RIN3: variants seen among roughly 807,000 people sequenced by gnomAD.
RIN3 encodes the protein Ras and Rab interactor 3, also known as RAB5 interacting protein 3.
In RIN3, 54 loss-of-function variants were observed where a neutral mutation model predicts 76.3. That is an observed-to-expected ratio of 0.71 (90% CI 0.57 to 0.89). The LOEUF is 0.89. Among genes scored for constraint, RIN3 ranks in the 40% least tolerant of loss-of-function variants. The pLI is 0.00. For missense variants in RIN3, 1,256 were observed against 1,322.1 expected (o/e 0.95, Z 0.78); for synonymous variants, 576 against 564.0 (o/e 1.02, Z -0.30).
rs1888115457 is a variant in RIN3, at chr14:92,666,656, A to G, written c.2335+7187A>G. Among the ~76,000 whole-genome samples the G allele has an allele frequency of 2.0e-5, 3 of 152,204 alleles. No homozygotes were observed. The South Asian group carries it at 6.2e-4, about 32-fold the overall frequency. ...TAGATTCATCTCTTCTATTACTTTG[A>G]CAAAGAAGTCATTCCCACCTCCTTG... On this transcript the variant is annotated intron_variant, in intron 7 of 9. Transcript: ENST00000216487.
chr14:92,514,833 G>A lies in RIN3; in HGVS notation c.44+857G>A, dbSNP rs1286709848. ...AGCTTCAGGTGTTGTAGAGACGCCC[G>A]GTCGGAGGCGGATTCCCGGGGAAAG... On this transcript the variant is annotated intron_variant, in intron 1 of 9. Coordinates refer to ENST00000216487, the MANE Select transcript of RIN3 (RefSeq NM_024832.5). This position sits in a 1 kb window ranked among gnomAD's most constrained non-coding sequence, Gnocchi z 7.2. Among the ~76,000 whole-genome samples the A allele has an allele frequency of 6.6e-6, 1 of 152,218 alleles. No homozygotes were observed. Among genetic ancestry groups the A allele is most frequent in the Non-Finnish European group, 1.5e-5 (1 of 68,040 alleles).
Position 92,688,236 on chromosome 14 carries a change from A to G in RIN3, c.2942A>G (p.Glu981Gly). The change falls in exon 10 of 10, where the codon GAG (glutamate) becomes GGG (glycine). Residue 981 changes from glutamate to glycine, a missense_variant. Transcript: ENST00000216487. ...AGCCCGCCCTGCCTGGTGGTGCGGG[A>G]GCCCAACTTCCTGTGAGGCCCTCCC... ...GGSPPCLVVR[E>G]PNFL 2 of 1,591,526 alleles carry G rather than the reference A, an allele frequency of 1.3e-6. No homozygotes were observed. The highest frequency in any genetic ancestry group is 1.7e-6 in the Non-Finnish European group (2 of 1,170,552).
chr14:92,529,947 A>G (rs1219354332), intron 1 of RIN3, among the ~76,000 whole-genome samples: 1 of 152,224 alleles, frequency 6.6e-6, no homozygotes, highest in Non-Finnish European at 1.5e-5. Context: ...GACACACATA[A>G]AACAAGGTTA....
intron 2 of RIN3, among the ~76,000 whole-genome samples, chr14:92,557,705 C>T (rs545580511): frequency 1.1e-4 from 16 of 152,322 alleles, no homozygotes; most frequent in Non-Finnish European, 1.8e-4. Flanking sequence ...CCAGGGGGAC[C>T]GCTGGCCTGG....
intron 1 of RIN3, among the ~76,000 whole-genome samples, chr14:92,536,706 C>G (rs904445567): frequency 6.8e-6 from 1 of 147,598 alleles, no homozygotes; most frequent in African/African-American, 2.5e-5. Flanking sequence ...CGCGCCACTG[C>G]ACTCCAGCCT....
intron 1 of RIN3, among the ~76,000 whole-genome samples, chr14:92,526,522 A>T (rs980539487): frequency 6.6e-6 from 1 of 152,068 alleles, no homozygotes; most frequent in African/African-American, 2.4e-5. Flanking sequence ...TGGGAGGCCA[A>T]GACGGATGGA....
Position 92,651,903 on chromosome 14 carries a change from C to T in RIN3, c.854C>T (p.Pro285Leu). 1 of 1,567,132 alleles carries T rather than the reference C, an allele frequency of 6.4e-7. No individual in the cohort carries two copies. Among genetic ancestry groups the T allele is most frequent in the Non-Finnish European group, 8.7e-7 (1 of 1,155,206 alleles). Residue 285 changes from proline (P) to leucine (L), a missense_variant, in exon 6 of 10, where the codon CCA (proline) becomes CTA (leucine). Transcript: ENST00000216487. ...WAPRRPPPPP[P>L]VLPLQPCSPA... ...CCACGCCGCCCACCACCCCCTCCCC[C>T]AGTGCTGCCCCTGCAGCCCTGCAGC...
chr14:92,530,682 C>T (rs1266020808), intron 1 of RIN3, among the ~76,000 whole-genome samples: 2 of 151,986 alleles, frequency 1.3e-5, no homozygotes, highest in Non-Finnish European at 2.9e-5. Flanking sequence ...TTCTCTGAGT[C>T]CAGAGCCTCT....
At chr14:92,674,587 G>C (rs573657557) in intron 7 of RIN3, among the ~76,000 whole-genome samples, 96 of 152,168 alleles carry the variant, frequency 6.3e-4, no homozygotes, top group African/African-American at 2.2e-3. Context: ...CTGGGCGACA[G>C]AGTGAAACCC....
chr14:92,540,941 C>A (rs1389220785), intron 1 of RIN3, among the ~76,000 whole-genome samples: 2 of 152,244 alleles, frequency 1.3e-5, no homozygotes, highest in African/African-American at 4.8e-5. Context: ...GCAGACATCA[C>A]TAGCAGATTC....
At chr14:92,525,653 A>AGCCACAGGAACAGTGCAGGGTCG (rs1287383483) in intron 1 of RIN3, among the ~76,000 whole-genome samples, 1 of 152,114 alleles carries the variant, frequency 6.6e-6, no homozygotes, top group African/African-American at 2.4e-5. Flanking sequence ...GAGAGGGTCC[A>AGCCACAGGAACAGTGCAGGGTCG]GCCACAGGAA....
intron 1 of RIN3, among the ~76,000 whole-genome samples, chr14:92,549,634 C>T (rs567600978): frequency 1.3e-4 from 20 of 152,348 alleles, no homozygotes; most frequent in African/African-American, 2.9e-4. Context: ...GGCCAATTCC[C>T]GCCCTCCTTT....
At chr14:92,631,015 C>G (rs1156368409) in intron 4 of RIN3, among the ~76,000 whole-genome samples, 1 of 152,194 alleles carries the variant, frequency 6.6e-6, no homozygotes, top group African/African-American at 2.4e-5. Context: ...GTCCTGGAGG[C>G]AGCAGGTGAT....
intron 1 of RIN3, among the ~76,000 whole-genome samples, chr14:92,524,737 T>G (rs1454724035): frequency 6.6e-6 from 1 of 152,206 alleles, no homozygotes; most frequent in East Asian, 1.9e-4. Flanking sequence ...CAGCCCCTGC[T>G]TGCAGATGAA....
intron 3 of RIN3, among the ~76,000 whole-genome samples, chr14:92,603,838 G>T (rs1265054190): frequency 6.6e-6 from 1 of 152,180 alleles, no homozygotes; most frequent in Non-Finnish European, 1.5e-5. Flanking sequence ...TGGGTGCCAG[G>T]GCTGGGCCTG....
intron 3 of RIN3, among the ~76,000 whole-genome samples, chr14:92,610,290 A>G (rs970185305): frequency 1.3e-5 from 2 of 152,154 alleles, no homozygotes; most frequent in African/African-American, 4.8e-5. Flanking sequence ...AAAAAAGAGA[A>G]TGAATGAAGC....
chr14:92,581,643 G>A (rs931113074), intron 3 of RIN3, among the ~76,000 whole-genome samples: 5 of 152,090 alleles, frequency 3.3e-5, no homozygotes, highest in African/African-American at 1.2e-4. Context: ...CCACTCTGCT[G>A]TCTCTCCAAC....
chr14:92,569,255 G>A (rs1475909179), intron 2 of RIN3, among the ~76,000 whole-genome samples: 1 of 152,206 alleles, frequency 6.6e-6, no homozygotes, highest in Non-Finnish European at 1.5e-5. Flanking sequence ...CCTGAGACCA[G>A]GAGACAGAAG....
chr14:92,616,492 T>G (rs1409488774), intron 4 of RIN3, among the ~76,000 whole-genome samples: 2 of 152,228 alleles, frequency 1.3e-5, no homozygotes, highest in Non-Finnish European at 2.9e-5. Context: ...CAGCCTTATG[T>G]TCCCTGCCTC....
Sources: allele counts gnomAD v4.1 joint callset (sites outside exome capture counted in the v4.1 genomes callset), GRCh38; gene constraint gnomAD v4.1.1; non-coding constraint Gnocchi (gnomAD v3.1); transcripts MANE v1.5; gene names NCBI Gene and HGNC (gene_info 2026-07-23, HGNC 2026-07-21).